KYNU: variants seen among roughly 807,000 people sequenced by gnomAD.
The protein encoded by KYNU is L-kynurenine hydrolase.
In KYNU, 54 loss-of-function variants were observed where a neutral mutation model predicts 59.2. The observed-to-expected ratio is 0.91, with a 90% CI of 0.73 to 1.14. The LOEUF is 1.14. KYNU is among the 50% of genes most tolerant of loss of function. The pLI is 0.00. For synonymous variants in KYNU, 177 were observed against 192.0 expected, an observed-to-expected ratio of 0.92 and a Z score of 0.65; for missense variants, 567 against 554.4, an observed-to-expected ratio of 1.02 and a Z score of -0.23.
chr2:142,933,301 A>AG lies in KYNU; in HGVS notation c.373+5562dup, dbSNP rs992580965. Among the ~76,000 whole-genome samples, 4 of 152,048 alleles carry AG rather than the reference A, an allele frequency of 2.6e-5. 1 individual carries two copies. Among genetic ancestry groups the AG allele is most frequent in the Non-Finnish European group, 4.4e-5 (3 of 67,998 alleles). On this transcript the variant is annotated intron_variant, in intron 4 of 13. Transcript: ENST00000264170. ...GCTGTTGGTCAGTATAGAGGGAGAA[A>AG]GGTTTGGTGAGGTCTGGGAGAGTGA...
intron 10 of KYNU, among the ~76,000 whole-genome samples, chr2:143,025,506 CAGGATACATAATGTA>C (rs1220025393): frequency 6.6e-6 from 1 of 152,140 alleles, no homozygotes; most frequent in Non-Finnish European, 1.5e-5. Context: ...CCTTTTTCTG[CAGGATACATAATGTA>C]ACCACTGCTC....
intron 2 of KYNU, among the ~76,000 whole-genome samples, chr2:142,909,570 T>C (rs544679186): frequency 1.4e-4 from 21 of 152,328 alleles, no homozygotes; most frequent in African/African-American, 4.8e-4. Flanking sequence ...TCTCTGATCA[T>C]GCATTAATTC....
chr2:142,955,505 T>G (rs1684132671), intron 5 of KYNU, among the ~76,000 whole-genome samples: 1 of 152,120 alleles, frequency 6.6e-6, no homozygotes, highest in African/African-American at 2.4e-5. Flanking sequence ...ATCCCTGGAT[T>G]TGACTCCCAG....
chr2:143,010,037 C>CT (rs1686041738), intron 10 of KYNU, among the ~76,000 whole-genome samples: 2 of 142,294 alleles, frequency 1.4e-5, no homozygotes, highest in Admixed American at 6.9e-5. Flanking sequence ...TCCTATTCAA[C>CT]TTAGTGTTGG....
chr2:142,879,294 G>A (rs139830663), intron 1 of KYNU, among the ~76,000 whole-genome samples: 1 of 152,182 alleles, frequency 6.6e-6, no homozygotes, highest in Non-Finnish European at 1.5e-5. Flanking sequence ...GAGTAGGGCA[G>A]GGTGCAGTCA....
rs74664861 is a variant in KYNU at position 143,004,272 on chromosome 2, A to G, written c.902+18251A>G. On this transcript the variant is annotated intron_variant, in intron 10 of 13. Transcript: ENST00000264170. ...CACTTTGTTTAACCATAGGCCTATG[A>G]AGTTATAGATGAATAAACTGGTGCC... is the stretch of plus-strand genomic sequence containing the variant. Among the ~76,000 whole-genome samples, 1,146 of 152,312 alleles carry G rather than the reference A, an allele frequency of 7.5e-3. 9 individuals are homozygous for G. Among genetic ancestry groups the G allele is most frequent in the African/African-American group, 0.026 (1,098 of 41,568 alleles).
At chr2:142,970,338 G>A (rs780807565) in intron 8 of KYNU, among the ~76,000 whole-genome samples, 8 of 152,114 alleles carry the variant, frequency 5.3e-5, no homozygotes, top group Non-Finnish European at 7.4e-5. Flanking sequence ...CAGTGTCTTC[G>A]AGAATTGTCC....
At chr2:142,974,801 A>G (rs149970615) in intron 8 of KYNU, among the ~76,000 whole-genome samples, 12 of 152,312 alleles carry the variant, frequency 7.9e-5, no homozygotes, top group African/African-American at 2.6e-4. Flanking sequence ...ATCGCTGTTC[A>G]GGAATCCAGG....
intron 2 of KYNU, among the ~76,000 whole-genome samples, chr2:142,915,948 G>A (rs1682655194): frequency 1.3e-5 from 2 of 151,998 alleles, no homozygotes; most frequent in Non-Finnish European, 2.9e-5. Flanking sequence ...TCTTATAAAA[G>A]GGGGAAATCG....
At chr2:142,958,721 T>C (rs1684246097) in intron 7 of KYNU, among the ~76,000 whole-genome samples, 1 of 152,194 alleles carries the variant, frequency 6.6e-6, no homozygotes, top group African/African-American at 2.4e-5. Context: ...TTACTCATAA[T>C]CTTGGGACCA....
chr2:143,052,007 TATGAACA>T lies in KYNU; in HGVS notation c.*9841_*9847del, dbSNP rs1687275287. 6.6e-6 allele frequency: 1 copy of T among 152,426 alleles called. No homozygotes were observed. Among genetic ancestry groups the T allele is most frequent in the Admixed American group, 6.5e-5 (1 of 15,280 alleles). 9.4% of individuals were successfully genotyped at this position (152,426 alleles called of 1,614,324 possible). A position where few individuals can be genotyped will look rare whatever the true frequency, so the allele number is the denominator to read the frequency against. ...GCTTTAACCAAAATGCTGATAATAA[TATGAACA>T]ATGAAGTCCAGGCTGAGGTGGTCTC... is the stretch of plus-strand genomic sequence containing the variant. On this transcript the variant is annotated 3_prime_UTR_variant, in exon 14 of 14. Coordinates refer to ENST00000264170, the MANE Select transcript of KYNU (RefSeq NM_003937.3).
At chr2:142,964,576 T>A (rs1684469990) in intron 8 of KYNU, 1 of 152,222 alleles carries the variant, frequency 6.6e-6, no homozygotes, top group African/African-American at 2.4e-5. Context: ...TTTCTATATA[T>A]CTTTTATGAA....
At chr2:142,920,199 T>C (rs977823951) in intron 3 of KYNU, among the ~76,000 whole-genome samples, 9 of 152,250 alleles carry the variant, frequency 5.9e-5, no homozygotes, top group Admixed American at 6.5e-5. Context: ...TGATAGTTTA[T>C]ATAATTTATT....
chr2:142,970,820 T>C (rs148924104), intron 8 of KYNU, among the ~76,000 whole-genome samples: 23 of 152,342 alleles, frequency 1.5e-4, no homozygotes, highest in African/African-American at 5.3e-4. Context: ...ACTGTTCTCC[T>C]TCACATAACA....
At chr2:143,041,994 T>C in intron 13 of KYNU, 53 bp from the exon 14 acceptor site, 1 of 1,592,570 alleles carries the variant, frequency 6.3e-7, no homozygotes, top group Admixed American at 1.7e-5. Flanking sequence ...GAATGTAGAT[T>C]TTCAACGTGT....
At chr2:142,919,588 T>G (rs959931712) in intron 3 of KYNU, among the ~76,000 whole-genome samples, 23 of 152,306 alleles carry the variant, frequency 1.5e-4, no homozygotes, top group Admixed American at 1.4e-3. Context: ...TTCTTTACCT[T>G]TCTTCATTCT....
At chr2:143,034,051 T>C (rs1472470066) in intron 12 of KYNU, among the ~76,000 whole-genome samples, 6 of 151,968 alleles carry the variant, frequency 3.9e-5, no homozygotes, top group Middle Eastern at 3.4e-3. Flanking sequence ...AAAATGAAAT[T>C]GTGATTCCTT....
rs1687135316 is a variant in KYNU at position 143,044,604 on chromosome 2, T to C, written c.*2432T>C. The stretch of plus-strand genomic sequence containing the variant: ...ACCAGTGATGATGAGTTTTTTTTCA[T>C]ATATTTGTTGGCCGCATAAATGTCT... On this transcript the variant is annotated 3_prime_UTR_variant, in exon 14 of 14. Transcript: ENST00000264170. 1 of 152,216 alleles carries C rather than the reference T, an allele frequency of 6.6e-6. No individual in the cohort carries two copies. Among genetic ancestry groups the C allele is most frequent in the Admixed American group, 6.5e-5 (1 of 15,278 alleles). 9.4% of individuals were successfully genotyped at this position (152,216 alleles called of 1,614,324 possible). A position where few individuals can be genotyped will look rare whatever the true frequency, so the allele number is the denominator to read the frequency against.
chr2:142,915,403 A>T (rs566383705), intron 2 of KYNU, among the ~76,000 whole-genome samples: 13 of 152,356 alleles, frequency 8.5e-5, no homozygotes, highest in African/African-American at 3.1e-4. Flanking sequence ...AAGAAAATAA[A>T]TTGTTAATAG....
Sources: allele counts gnomAD v4.1 joint callset (sites outside exome capture counted in the v4.1 genomes callset), GRCh38; gene constraint gnomAD v4.1.1; transcripts MANE v1.5; gene names NCBI Gene and HGNC (gene_info 2026-07-23, HGNC 2026-07-21).